Variants in TBC1D8 observed in about 807,000 individuals in gnomAD.
TBC1D8 encodes TBC1 domain family member 8, also known as BUB2-like protein 1.
TBC1D8 carries 65 observed loss-of-function variants against 118.8 expected under a neutral mutation model. The ratio of observed to expected loss-of-function variants is 0.55; its 90% CI spans 0.45 to 0.67. The LOEUF is 0.67. TBC1D8 is among the 30% of genes least tolerant of loss of function. The probability of loss-of-function intolerance (pLI) is 0.00; values close to 1 mark genes in which losing one functional copy is unlikely to be tolerated. For missense variants in TBC1D8, 1,376 were observed against 1,471.2 expected (o/e 0.94, Z 1.06); for synonymous variants, 566 against 595.8 (o/e 0.95, Z 0.73).
chr2:101,022,220 G>C (rs974117659), intron 16 of TBC1D8, 61 bp downstream of exon 16: 61 of 1,607,200 alleles, frequency 3.8e-5, no homozygotes, highest in Non-Finnish European at 5.1e-5. Context: ...GATCCACTTT[G>C]TGTTCTGCTC....
intron 1 of TBC1D8, chr2:101,109,949 G>C (rs1353035747): frequency 2.0e-6 from 2 of 985,296 alleles, no homozygotes; most frequent in Admixed American, 1.2e-4. Context: ...CCGCCACCTC[G>C]TGCATCCTGC....
intron 2 of TBC1D8, among the ~76,000 whole-genome samples, chr2:101,063,960 A>C (rs1049053606): frequency 6.6e-6 from 1 of 152,158 alleles, no homozygotes; most frequent in Non-Finnish European, 1.5e-5. Flanking sequence ...GAAAGTGAGA[A>C]TGTGTCATCC....
intron 8 of TBC1D8, among the ~76,000 whole-genome samples, chr2:101,037,318 T>G (rs1681073207): frequency 6.6e-6 from 1 of 152,180 alleles, no homozygotes; most frequent in African/African-American, 2.4e-5. Context: ...AGCTGAGAGC[T>G]GCGCGAGGTT....
chr2:101,036,479 G>GC (rs1250714224), intron 8 of TBC1D8, among the ~76,000 whole-genome samples: 2 of 135,912 alleles, frequency 1.5e-5, no homozygotes, highest in African/African-American at 5.3e-5. Flanking sequence ...TATTAAAGTA[G>GC]CCCAAATCAG....
At chr2:101,114,806 G>A (rs185529532) in intron 1 of TBC1D8, among the ~76,000 whole-genome samples, 49 of 152,286 alleles carry the variant, frequency 3.2e-4, no homozygotes, top group African/African-American at 1.0e-3. Flanking sequence ...ATTCATATGG[G>A]AATTTAACCA....
Position 101,110,078 on chromosome 2 carries a change from T to C in TBC1D8, c.128-19714A>G, listed in dbSNP as rs1182553069. 8 of 946,620 alleles carry C rather than the reference T, an allele frequency of 8.5e-6. No individual in the cohort carries two copies. The East Asian group carries it at 3.5e-4, about 41-fold the overall frequency. The allele number at this position is 946,620 out of a possible 1,614,324, so 58.6% of individuals were successfully genotyped here. A position where few individuals can be genotyped will look rare whatever the true frequency, so the allele number is the denominator to read the frequency against. On this transcript the variant is annotated intron_variant, in intron 1 of 19. Coordinates refer to ENST00000409318, the MANE Select transcript of TBC1D8 (RefSeq NM_001330348.2). ...CTTAGAATAACAACTCTGGCTGAGATAGATGTCAAGTGACAAGTTTTATAA... is the reference window on the plus strand; with the variant it reads ...CTTAGAATAACAACTCTGGCTGAGACAGATGTCAAGTGACAAGTTTTATAA...
intron 18 of TBC1D8, 114 bp downstream of exon 18, chr2:101,011,337 T>C (rs533613449): frequency 5.1e-5 from 56 of 1,103,488 alleles, no homozygotes; most frequent in African/African-American, 2.6e-4. Flanking sequence ...GGATAATTCA[T>C]TGGACGAAGG....
At chr2:101,035,606 C>T (rs1680958197) in intron 9 of TBC1D8, among the ~76,000 whole-genome samples, 1 of 152,196 alleles carries the variant, frequency 6.6e-6, no homozygotes, top group Non-Finnish European at 1.5e-5. Flanking sequence ...ATGGCAGCCA[C>T]ACTCTGAGGG....
chr2:101,128,380 A>C (rs893514910), intron 1 of TBC1D8, among the ~76,000 whole-genome samples: 6 of 152,206 alleles, frequency 3.9e-5, no homozygotes, highest in African/African-American at 1.2e-4. Context: ...TCCTGGGAAG[A>C]GTAATGAGGG....
At chr2:101,070,307 C>T (rs1257317898) in intron 2 of TBC1D8, among the ~76,000 whole-genome samples, 2 of 151,788 alleles carry the variant, frequency 1.3e-5, no homozygotes, top group East Asian at 3.9e-4. Context: ...TTAGAAAAAA[C>T]CTTTTTTAAC....
At chr2:101,054,686 T>G (rs1242232774) in intron 3 of TBC1D8, among the ~76,000 whole-genome samples, 1 of 130,802 alleles carries the variant, frequency 7.6e-6, no homozygotes, top group South Asian at 2.7e-4. Context: ...TTTTTTTTTT[T>G]TTTTTTTTTT....
intron 2 of TBC1D8, among the ~76,000 whole-genome samples, chr2:101,088,468 A>C (rs1048574983): frequency 1.3e-5 from 2 of 151,698 alleles, no homozygotes; most frequent in East Asian, 3.9e-4. Flanking sequence ...TTGTATTTTT[A>C]GTAGAGACGG....
intron 1 of TBC1D8, chr2:101,109,687 G>T: frequency 1.8e-6 from 1 of 569,954 alleles, no homozygotes; most frequent in Non-Finnish European, 2.2e-6. Flanking sequence ...TCCGCAGATG[G>T]GATGAAGCAG....
chr2:101,084,358 G>A (rs142270310), intron 2 of TBC1D8, among the ~76,000 whole-genome samples: 171 of 152,310 alleles, frequency 1.1e-3, no homozygotes, highest in African/African-American at 4.0e-3. Flanking sequence ...AGGCCAGCCT[G>A]GCCAACATGG....
intron 1 of TBC1D8, among the ~76,000 whole-genome samples, chr2:101,138,462 G>T (rs1240736645): frequency 6.6e-6 from 1 of 151,996 alleles, no homozygotes; most frequent in African/African-American, 2.4e-5. Flanking sequence ...CAGGTTAAAG[G>T]CTCGGTCCCA....
chr2:101,021,755 A>C lies in TBC1D8; in HGVS notation c.2762-9T>G, dbSNP rs1477666103. On this transcript the variant is annotated splice_polypyrimidine_tract_variant and intron_variant, in intron 16 of 19. Transcript: ENST00000409318. ...TCCATTATACATAATATCTGCAAAA[A>C]GTTTAAAAAGAGTGAGTTGATGCCA... The C allele has an allele frequency of 6.5e-7, 1 of 1,530,464 alleles. No homozygotes were observed. The allele number at this position is 1,530,464 out of a possible 1,614,324, so 94.8% of individuals were successfully genotyped here. A position where few individuals can be genotyped will look rare whatever the true frequency, so the allele number is the denominator to read the frequency against.
Position 101,016,094 on chromosome 2 carries a change from GCTT to G in TBC1D8, c.2828-4557_2828-4555del, listed in dbSNP as rs760811287. On this transcript the variant is annotated intron_variant, in intron 17 of 19. Transcript: ENST00000409318. ...AAATGGGATCTAATTAAACTAAAGA[GCTT>G]CTGCACAGCAAAAGAAACTACCATC... Among the ~76,000 whole-genome samples, 798 of 152,204 alleles carry G rather than the reference GCTT, an allele frequency of 5.2e-3. 6 individuals are homozygous for G. The highest frequency in any genetic ancestry group is 9.7e-3 in the Non-Finnish European group (659 of 68,006).
At chr2:101,060,446 C>T (rs1682694460) in intron 2 of TBC1D8, among the ~76,000 whole-genome samples, 2 of 152,170 alleles carry the variant, frequency 1.3e-5, no homozygotes, top group Admixed American at 6.5e-5. Flanking sequence ...TAAAAACATA[C>T]ATAAAAAGAG....
At chr2:101,049,087 G>A (rs1239645384) in intron 5 of TBC1D8, among the ~76,000 whole-genome samples, 1 of 152,132 alleles carries the variant, frequency 6.6e-6, no homozygotes, top group African/African-American at 2.4e-5. Flanking sequence ...ATAGCTCCGA[G>A]CCCCTGCTTT....
Sources: allele counts gnomAD v4.1 joint callset (sites outside exome capture counted in the v4.1 genomes callset), GRCh38; gene constraint gnomAD v4.1.1; transcripts MANE v1.5; gene names NCBI Gene and HGNC (gene_info 2026-07-23, HGNC 2026-07-21).